Variants in KLHL12 observed in about 807,000 individuals in gnomAD.
KLHL12 encodes kelch-like protein 12.
In KLHL12, 17 loss-of-function variants were observed where a neutral mutation model predicts 60.8. The observed-to-expected ratio is 0.28, with a 90% CI of 0.19 to 0.42. The LOEUF (loss-of-function observed/expected upper bound fraction) is 0.42. Ranked by LOEUF, KLHL12 falls within the 10% of genes least tolerant of loss-of-function variation. KLHL12 has a pLI of 1.00. For synonymous variants in KLHL12, 220 were observed against 250.9 expected (o/e 0.88, Z 1.16); for missense variants, 468 against 722.3 (o/e 0.65, Z 4.04).
At position 202,909,235 on chromosome 1, in the gene KLHL12, A is replaced by G; in HGVS notation, c.718-111T>C. 2 of 652,114 alleles carry G rather than the reference A, an allele frequency of 3.1e-6. No homozygotes were observed. Among genetic ancestry groups the G allele is most frequent in the Non-Finnish European group, 5.4e-6 (2 of 370,224 alleles). 40.4% of individuals were successfully genotyped at this position (652,114 alleles called of 1,614,324 possible). A position where few individuals can be genotyped will look rare whatever the true frequency, so the allele number is the denominator to read the frequency against. On this transcript the variant is annotated intron_variant, in intron 5 of 11. Coordinates refer to ENST00000367261, the MANE Select transcript of KLHL12 (RefSeq NM_021633.4). The surrounding 1 kb of genome is among the most constrained non-coding windows in gnomAD (Gnocchi z 4.1). ...TCTGACTACAGAAAACCAGTTTGCAAAGCCCTGTGATTCCAGGAGTATTGC... is the reference window on the plus strand; with the variant it reads ...TCTGACTACAGAAAACCAGTTTGCAGAGCCCTGTGATTCCAGGAGTATTGC...
At chr1:202,924,154 T>C (rs1274387922) in intron 2 of KLHL12, among the ~76,000 whole-genome samples, 4 of 152,250 alleles carry the variant, frequency 2.6e-5, no homozygotes, top group African/African-American at 4.8e-5. Flanking sequence ...AAGTATTTTG[T>C]CAGGCAATTA....
chr1:202,925,840 T>A (rs1425943250), intron 1 of KLHL12, among the ~76,000 whole-genome samples: 1 of 152,120 alleles, frequency 6.6e-6, no homozygotes, highest in Admixed American at 6.6e-5. Flanking sequence ...GCCCAACAGC[T>A]CACTCCTGTA....
intron 1 of KLHL12, 90 bp from the exon 2 acceptor site, chr1:202,925,297 A>T: frequency 7.0e-7 from 1 of 1,423,354 alleles, no homozygotes; most frequent in Non-Finnish European, 9.3e-7. Context: ...AGAACCTAAG[A>T]GGCTTCCTCA....
chr1:202,896,546 GTTCAGT>G (rs774291134), intron 7 of KLHL12, among the ~76,000 whole-genome samples: 2 of 152,164 alleles, frequency 1.3e-5, no homozygotes, highest in Non-Finnish European at 2.9e-5. Context: ...TTAACATTCA[GTTCAGT>G]TTAACACAGC....
rs781255625 is a variant in KLHL12, at chr1:202,892,544, G to A, written c.1696C>T (p.Arg566Cys). ...QRCDAGVCVL[R>C]EK ...TGCTCCAACAATGGTCACTTCTCGC[G>A]GAGAACACAAACACCAGCATCACAG... The change falls in exon 12 of 12, where the codon CGC (arginine) becomes TGC (cysteine). Residue 566 changes from arginine to cysteine, a missense_variant. Around this residue, in one of 4 missense-constraint regions of KLHL12, gnomAD observed 68 missense variants for 119.8 expected, o/e 0.57. Coordinates refer to ENST00000367261, the MANE Select transcript of KLHL12 (RefSeq NM_021633.4). 9.3e-6 allele frequency: 15 copies of A among 1,613,736 alleles called. No homozygotes were observed. Among genetic ancestry groups the A allele is most frequent in the East Asian group, 2.2e-5 (1 of 44,874 alleles).
At position 202,895,552 on chromosome 1, in the gene KLHL12, G is replaced by A. The variant is rs1050165622; in HGVS notation, c.1105C>T (p.Arg369Ter). The A allele has an allele frequency of 5.0e-6, 8 of 1,613,852 alleles. No individual in the cohort carries two copies. Among genetic ancestry groups the A allele is most frequent in the Non-Finnish European group, 6.8e-6 (8 of 1,179,954 alleles). The change falls in exon 8 of 12, where the codon CGA becomes TGA. Residue 369 changes from arginine (R) to a stop codon, truncating the protein, a stop_gained. Coordinates refer to ENST00000367261, the MANE Select transcript of KLHL12 (RefSeq NM_021633.4). LOFTEE classifies it high-confidence loss of function. This position sits in a 1 kb window ranked among gnomAD's most constrained non-coding sequence, Gnocchi z 4.2. The stretch of plus-strand genomic sequence containing the variant: ...AGGGTGGTGGCTCCAGCAAGACCTC[G>A]TCGGACATTCATAGGGGCCACAGAA... ...WYSVAPMNVRRGLAGATTLGD... is the reference protein window; with the variant it reads ...WYSVAPMNVR
At chr1:202,904,008 C>CTATT (rs1660107202) in intron 6 of KLHL12, among the ~76,000 whole-genome samples, 2 of 150,664 alleles carry the variant, frequency 1.3e-5, no homozygotes, top group Non-Finnish European at 3.0e-5. Context: ...ATCTATCTAT[C>CTATT]TATCTATTTA....
chr1:202,912,256 T>A, intron 4 of KLHL12: 1 of 1,102,634 alleles, frequency 9.1e-7, no homozygotes, highest in South Asian at 1.2e-5. Flanking sequence ...AAAAGGGGCT[T>A]TGCCTTTGTA....
Position 202,893,145 on chromosome 1 carries a change from C to T in KLHL12, c.1580+94G>A, listed in dbSNP as rs1042281927. Reference sequence around the variant, plus strand: ...TTGCCACTGGAGATGTCTACCCCTACCCAAGTCTTGTCTCTGTCCAAAAAT... The same window carrying T: ...TTGCCACTGGAGATGTCTACCCCTATCCAAGTCTTGTCTCTGTCCAAAAAT... On this transcript the variant is annotated intron_variant, in intron 11 of 11. Coordinates refer to ENST00000367261, the MANE Select transcript of KLHL12 (RefSeq NM_021633.4). The surrounding 1 kb of genome is among the most constrained non-coding windows in gnomAD (Gnocchi z 4.1). The T allele has an allele frequency of 3.7e-5, 38 of 1,021,938 alleles. No homozygotes were observed. In the East Asian group the frequency reaches 5.5e-4, roughly 15 times the overall value. 63.3% of individuals were successfully genotyped at this position (1,021,938 alleles called of 1,614,324 possible). A position where few individuals can be genotyped will look rare whatever the true frequency, so the allele number is the denominator to read the frequency against.
intron 9 of KLHL12, 150 bp from the exon 10 acceptor site, chr1:202,894,432 T>C: frequency 1.1e-6 from 1 of 898,854 alleles, no homozygotes; most frequent in South Asian, 1.6e-5. Flanking sequence ...ATTATGCTTA[T>C]AAGAAAAAGA....
At chr1:202,920,057 T>C in intron 2 of KLHL12, 149 bp from the exon 3 acceptor site, 1 of 703,936 alleles carries the variant, frequency 1.4e-6, no homozygotes, top group Non-Finnish European at 2.3e-6. Context: ...CTCATGCCTG[T>C]AATCCCAGCA....
chr1:202,927,206 C>G lies in KLHL12; in HGVS notation c.-163G>C, dbSNP rs947006628. On this transcript the variant is annotated 5_prime_UTR_variant, in exon 1 of 12. Transcript: ENST00000367261. ...CCGAAGCGCCGCCCAGACCCGGAGGCTCTGGAGGCTCTGGAGCCGTCCGGG... is the reference window on the plus strand; with the variant it reads ...CCGAAGCGCCGCCCAGACCCGGAGGGTCTGGAGGCTCTGGAGCCGTCCGGG... 3.0e-6 allele frequency: 3 copies of G among 985,054 alleles called. No individual in the cohort carries two copies. The Admixed American group carries it at 1.8e-4, about 61-fold the overall frequency. 61.0% of individuals were successfully genotyped at this position (985,054 alleles called of 1,614,324 possible). A position where few individuals can be genotyped will look rare whatever the true frequency, so the allele number is the denominator to read the frequency against.
intron 2 of KLHL12, among the ~76,000 whole-genome samples, chr1:202,922,826 C>G (rs749976867): frequency 1.3e-5 from 2 of 151,230 alleles, no homozygotes; most frequent in Non-Finnish European, 2.9e-5. Flanking sequence ...TAGTAAGAGA[C>G]AGATATCATT....
intron 2 of KLHL12, among the ~76,000 whole-genome samples, chr1:202,923,899 A>G (rs563993670): frequency 1.3e-5 from 2 of 152,184 alleles, no homozygotes; most frequent in African/African-American, 4.8e-5. Flanking sequence ...CTTGTGCTTA[A>G]AAAGACTTTT....
At chr1:202,915,581 A>G (rs1313708608) in intron 4 of KLHL12, among the ~76,000 whole-genome samples, 2 of 152,252 alleles carry the variant, frequency 1.3e-5, no homozygotes, top group Non-Finnish European at 2.9e-5. Context: ...CAAAGCCTGT[A>G]TAGTTCCAAA....
At chr1:202,907,175 T>A (rs1660219444) in intron 6 of KLHL12, among the ~76,000 whole-genome samples, 2 of 152,236 alleles carry the variant, frequency 1.3e-5, no homozygotes, top group South Asian at 4.1e-4. Context: ...CAATGCCCTA[T>A]CTAAAAGTTC....
In KLHL12 at chr1:202,909,279, C is replaced by G. The variant is rs1375146601; in HGVS notation, c.718-155G>C. On this transcript the variant is annotated intron_variant, in intron 5 of 11. Coordinates refer to ENST00000367261, the MANE Select transcript of KLHL12 (RefSeq NM_021633.4). The surrounding 1 kb of genome is among the most constrained non-coding windows in gnomAD (Gnocchi z 4.1). ...GTATTGCTGGTAGTAACCATGCTCT[C>G]GGTTTCCAGAAATGATTTTTAAAAT... 2.9e-5 allele frequency: 14 copies of G among 477,364 alleles called. No homozygotes were observed. The highest frequency in any genetic ancestry group is 5.3e-5 in the Non-Finnish European group (14 of 264,436). The allele number at this position is 477,364 out of a possible 1,614,324, so 29.6% of individuals were successfully genotyped here.
rs1659671862 is a variant in KLHL12, at chr1:202,891,426, T to C, written c.*1107A>G. 1 of 152,640 alleles carries C rather than the reference T, an allele frequency of 6.6e-6. No individual in the cohort carries two copies. Among genetic ancestry groups the C allele is most frequent in the Non-Finnish European group, 1.5e-5 (1 of 68,044 alleles). 9.5% of individuals were successfully genotyped at this position (152,640 alleles called of 1,614,324 possible). A position where few individuals can be genotyped will look rare whatever the true frequency, so the allele number is the denominator to read the frequency against. ...ACACTAAAGGACAGGTAAGGAAAACTTATAGCAGAAAAAAGACTAGATGTA... is the reference window on the plus strand; with the variant it reads ...ACACTAAAGGACAGGTAAGGAAAACCTATAGCAGAAAAAAGACTAGATGTA... On this transcript the variant is annotated 3_prime_UTR_variant, in exon 12 of 12. Transcript: ENST00000367261.
upstream of KLHL12, chr1:202,928,456 T>G (rs1653729917): frequency 7.8e-7 from 1 of 1,278,122 alleles, no homozygotes. Flanking sequence ...ATGCCAAGCA[T>G]CTGATTGCAG....
Sources: allele counts gnomAD v4.1 joint callset (sites outside exome capture counted in the v4.1 genomes callset), GRCh38; gene constraint gnomAD v4.1.1; regional missense constraint gnomAD v4.1.1; non-coding constraint Gnocchi (gnomAD v3.1); transcripts MANE v1.5; gene names NCBI Gene and HGNC (gene_info 2026-07-23, HGNC 2026-07-21).